Variants in ADGRL3 observed in about 807,000 individuals in gnomAD.
ADGRL3 encodes the protein calcium-independent alpha-latrotoxin receptor 3.
ADGRL3 carries 62 observed loss-of-function variants against 153.5 expected under a neutral mutation model. The ratio of observed to expected loss-of-function variants is 0.40; its 90% CI spans 0.33 to 0.50. The LOEUF is 0.50. ADGRL3 is among the 20% of genes least tolerant of loss of function. The pLI is 0.47. For synonymous variants in ADGRL3, 710 were observed against 672.5 expected, an observed-to-expected ratio of 1.06 and a Z score of -0.86; for missense variants, 1,641 against 1,859.4, an observed-to-expected ratio of 0.88 and a Z score of 2.16.
At chr4:61,374,194 A>G (rs555928199) in intron 1 of ADGRL3, among the ~76,000 whole-genome samples, 3 of 152,300 alleles carry the variant, frequency 2.0e-5, no homozygotes, top group East Asian at 3.9e-4. Flanking sequence ...CTCCTATTCA[A>G]GTGTCCACTG....
intron 17 of ADGRL3, among the ~76,000 whole-genome samples, chr4:61,968,718 T>C (rs895694515): frequency 2.0e-5 from 3 of 152,138 alleles, no homozygotes; most frequent in African/African-American, 7.2e-5. Flanking sequence ...AGAAAACCAC[T>C]TACCTTTCTA....
chr4:61,560,367 T>C (rs2098789755), intron 4 of ADGRL3, among the ~76,000 whole-genome samples: 1 of 152,144 alleles, frequency 6.6e-6, no homozygotes. Flanking sequence ...GCATTTCCTT[T>C]CCACTTCAAA....
At chr4:61,443,034 A>T (rs764698506) in intron 2 of ADGRL3, among the ~76,000 whole-genome samples, 1 of 152,162 alleles carries the variant, frequency 6.6e-6, no homozygotes, top group Non-Finnish European at 1.5e-5. Flanking sequence ...AGTAAACAGA[A>T]GTTATAAGAC....
At chr4:61,206,769 G>A (rs1417268785) in intron 1 of ADGRL3, among the ~76,000 whole-genome samples, 1 of 152,118 alleles carries the variant, frequency 6.6e-6, no homozygotes, top group African/African-American at 2.4e-5. Flanking sequence ...ATCACTTGAA[G>A]TAAGGAGTTT....
chr4:61,315,370 T>C (rs72614728), intron 1 of ADGRL3, among the ~76,000 whole-genome samples: 17,988 of 152,184 alleles, frequency 0.12, 1,352 homozygotes, highest in South Asian at 0.27. Context: ...GCTGTATAGG[T>C]CCTGTCGAAC....
At chr4:61,404,003 G>C (rs2096962852) in intron 2 of ADGRL3, among the ~76,000 whole-genome samples, 1 of 151,934 alleles carries the variant, frequency 6.6e-6, no homozygotes, top group African/African-American at 2.4e-5. Flanking sequence ...TTTAAATACA[G>C]TCACTTTGGG....
chr4:61,403,263 A>G (rs1031680923), intron 2 of ADGRL3, among the ~76,000 whole-genome samples: 1 of 152,122 alleles, frequency 6.6e-6, no homozygotes, highest in African/African-American at 2.4e-5. Context: ...TAGTGGCTGA[A>G]AGCTCCTAAA....
chr4:61,494,465 C>T (rs949626578), intron 2 of ADGRL3, among the ~76,000 whole-genome samples: 2 of 152,124 alleles, frequency 1.3e-5, no homozygotes, highest in African/African-American at 4.8e-5. Context: ...ACTTCAATAT[C>T]CCTCTTCAAG....
rs1735342552 is a variant in ADGRL3, at chr4:61,202,738, A to G, written c.-240+973A>G. Among the ~76,000 whole-genome samples the G allele has an allele frequency of 1.3e-5, 2 of 152,014 alleles. No individual in the cohort carries two copies. The highest frequency in any genetic ancestry group is 4.8e-5 in the African/African-American group (2 of 41,418). ...CTTAGGGTGCCAGGCCCCCAGCACTATAGGTGGGTGTGTGTGTGTCTGTGC... is the reference window on the plus strand; with the variant it reads ...CTTAGGGTGCCAGGCCCCCAGCACTGTAGGTGGGTGTGTGTGTGTCTGTGC... On this transcript the variant is annotated intron_variant, in intron 1 of 26. Transcript: ENST00000683033. This position sits in a 1 kb window ranked among gnomAD's most constrained non-coding sequence, Gnocchi z 5.0.
At chr4:61,912,859 A>T in intron 13 of ADGRL3, 102 bp downstream of exon 13, 1 of 1,115,890 alleles carries the variant, frequency 9.0e-7, no homozygotes, top group Non-Finnish European at 1.3e-6. Context: ...CCTTACTGAA[A>T]TAAAGGAATT....
chr4:61,470,827 A>C (rs775225325), intron 2 of ADGRL3, among the ~76,000 whole-genome samples: 1 of 151,836 alleles, frequency 6.6e-6, no homozygotes, highest in African/African-American at 2.4e-5. Context: ...GTTTTGAAAG[A>C]TTTTTTTCAT....
chr4:61,497,034 T>C (rs2098327808), intron 2 of ADGRL3, 87 bp from the exon 3 acceptor site: 1 of 408,872 alleles, frequency 2.4e-6, no homozygotes, highest in South Asian at 3.6e-5. Flanking sequence ...GATATTAACA[T>C]GATGGCAATA....
Position 61,997,533 on chromosome 4 carries a change from T to A in ADGRL3, c.3304-641T>A, listed in dbSNP as rs1489606094. Among the ~76,000 whole-genome samples, 5 of 150,610 alleles carry A rather than the reference T, an allele frequency of 3.3e-5. No homozygotes were observed. The Admixed American group carries it at 3.3e-4, about 10-fold the overall frequency. On this transcript the variant is annotated intron_variant, in intron 20 of 26. Transcript: ENST00000683033. ...AAGTGGTAAAGGGCAACTCACTATG[T>A]GGTTTTTTTATACAGTTTACTTGTG...
At chr4:61,528,617 A>G (rs114752978) in intron 4 of ADGRL3, among the ~76,000 whole-genome samples, 30 of 152,270 alleles carry the variant, frequency 2.0e-4, no homozygotes, top group African/African-American at 7.0e-4. Context: ...TGAAAGGCTA[A>G]GAGACCAAGG....
intron 17 of ADGRL3, among the ~76,000 whole-genome samples, chr4:61,955,440 A>G (rs565361304): frequency 3.5e-4 from 53 of 152,184 alleles, no homozygotes; most frequent in Admixed American, 1.6e-3. Context: ...CATATCAAAG[A>G]TCAAATATAC....
intron 8 of ADGRL3, among the ~76,000 whole-genome samples, chr4:61,802,841 C>G (rs1307257135): frequency 6.6e-6 from 1 of 152,004 alleles, no homozygotes; most frequent in African/African-American, 2.4e-5. Context: ...ATAAAGATGT[C>G]CTTGGTGTCA....
At chr4:61,904,761 T>C (rs565378711) in intron 11 of ADGRL3, among the ~76,000 whole-genome samples, 3 of 152,216 alleles carry the variant, frequency 2.0e-5, no homozygotes, top group Admixed American at 1.3e-4. Flanking sequence ...CTAATTTTGC[T>C]ATTCATAATG....
intron 1 of ADGRL3, among the ~76,000 whole-genome samples, chr4:61,300,381 A>G (rs1277785823): frequency 1.3e-5 from 2 of 152,220 alleles, no homozygotes; most frequent in Non-Finnish European, 2.9e-5. Context: ...TGTACAATCT[A>G]TTTTTTGAAT....
chr4:61,356,517 C>G (rs1024242968), intron 1 of ADGRL3, among the ~76,000 whole-genome samples: 8 of 151,978 alleles, frequency 5.3e-5, no homozygotes, highest in Admixed American at 3.3e-4. Flanking sequence ...ATAATACTAA[C>G]TGTAGTTTTT....
Sources: gnomAD v4.1 joint callset for allele counts (sites outside exome capture counted in the v4.1 genomes callset) on GRCh38, gnomAD v4.1.1 for gene constraint, Gnocchi (gnomAD v3.1) non-coding constraint, MANE v1.5 for transcripts, NCBI Gene and HGNC (gene_info 2026-07-23, HGNC 2026-07-21) for gene names.